RNF17: variants seen among roughly 807,000 people sequenced by gnomAD.
RNF17 encodes ring finger protein 17.
In RNF17, 31 loss-of-function variants were observed where a neutral mutation model predicts 200.5. That is an observed-to-expected ratio of 0.15 (90% confidence interval 0.12 to 0.21). The LOEUF is 0.21. RNF17 is among the 10% of genes least tolerant of loss of function. The pLI, the probability that RNF17 is intolerant of heterozygous loss-of-function variation, is 1.00. For synonymous variants in RNF17, 606 were observed against 637.8 expected, an observed-to-expected ratio of 0.95 and a Z score of 0.75; for missense variants, 1,628 against 1,905.1, an observed-to-expected ratio of 0.85 and a Z score of 2.71.
intron 34 of RNF17, 63 bp from the exon 35 acceptor site, chr13:24,879,124 A>G (rs1895167045): frequency 8.1e-7 from 1 of 1,239,264 alleles, no homozygotes; most frequent in African/African-American, 1.5e-5. Flanking sequence ...ATGGCCAGAT[A>G]TGAGAGGGAA....
chr13:24,857,608 A>G (rs914534960), intron 25 of RNF17, among the ~76,000 whole-genome samples: 1 of 152,234 alleles, frequency 6.6e-6, no homozygotes. Flanking sequence ...CTCTCTATGA[A>G]AAAAGAATAC....
the RNF17 span, among the ~76,000 whole-genome samples, chr13:24,886,851 A>C: frequency 6.6e-6 from 1 of 152,226 alleles, no homozygotes; most frequent in Non-Finnish European, 1.5e-5. Flanking sequence ...CAGGATTCAA[A>C]CCCACTATAT....
chr13:24,866,684 A>G (rs980216709), intron 30 of RNF17, among the ~76,000 whole-genome samples: 1 of 152,250 alleles, frequency 6.6e-6, no homozygotes, highest in African/African-American at 2.4e-5. Flanking sequence ...TGATAGACAC[A>G]TGGGTTGTTT....
intron 11 of RNF17, among the ~76,000 whole-genome samples, chr13:24,799,173 A>T (rs1884956442): frequency 6.6e-6 from 1 of 152,148 alleles, no homozygotes; most frequent in Non-Finnish European, 1.5e-5. Context: ...CTGCTAACTT[A>T]GTATTCTTTA....
intron 15 of RNF17, among the ~76,000 whole-genome samples, chr13:24,810,106 A>G (rs1231101719): frequency 6.6e-6 from 1 of 150,778 alleles, no homozygotes; most frequent in African/African-American, 2.4e-5. Context: ...GCTGAAAAAA[A>G]TGTATATTCT....
At chr13:24,767,726 G>A (rs1879929008) in intron 2 of RNF17, among the ~76,000 whole-genome samples, 1 of 140,322 alleles carries the variant, frequency 7.1e-6, no homozygotes, top group Non-Finnish European at 1.5e-5. Context: ...CCAGTCTGGC[G>A]ACAGAGCAAG....
intron 2 of RNF17, among the ~76,000 whole-genome samples, chr13:24,768,050 G>C (rs947322603): frequency 6.6e-6 from 1 of 151,790 alleles, no homozygotes; most frequent in Non-Finnish European, 1.5e-5. Flanking sequence ...CTCAACCTTT[G>C]TGTGTCATCA....
intron 17 of RNF17, among the ~76,000 whole-genome samples, chr13:24,831,173 G>A (rs1459357870): frequency 6.6e-6 from 1 of 152,002 alleles, no homozygotes; most frequent in Non-Finnish European, 1.5e-5. Context: ...GGGCGCAGTG[G>A]CTCATGCCTG....
At chr13:24,762,155 A>G (rs911193106), upstream of RNF17, among the ~76,000 whole-genome samples, 2 of 152,124 alleles carry the variant, frequency 1.3e-5, no homozygotes, top group African/African-American at 4.8e-5. Flanking sequence ...AGACTGCCTG[A>G]GCTCAGGAGT....
intron 28 of RNF17, among the ~76,000 whole-genome samples, chr13:24,864,373 A>AT (rs1192968951): frequency 6.6e-6 from 1 of 152,166 alleles, no homozygotes; most frequent in Admixed American, 6.5e-5. Flanking sequence ...AATGAAGAGA[A>AT]TTGCTGTAGG....
intron 2 of RNF17, among the ~76,000 whole-genome samples, 155 bp downstream of exon 2, chr13:24,767,521 G>A (rs1025513836): frequency 2.6e-5 from 4 of 152,058 alleles, no homozygotes; most frequent in East Asian, 1.9e-4. Context: ...AGGCTGAGGC[G>A]GGCAGATCAC....
At chr13:24,863,023 A>C (rs1893254748) in intron 28 of RNF17, among the ~76,000 whole-genome samples, 1 of 152,222 alleles carries the variant, frequency 6.6e-6, no homozygotes, top group Admixed American at 6.5e-5. Flanking sequence ...AATTTGAAAG[A>C]TTCTTTATTA....
At chr13:24,805,709 G>A (rs1885763318) in intron 15 of RNF17, among the ~76,000 whole-genome samples, 1 of 152,142 alleles carries the variant, frequency 6.6e-6, no homozygotes, top group African/African-American at 2.4e-5. Context: ...CCTCTGGTAT[G>A]TATAATACCT....
intron 4 of RNF17, among the ~76,000 whole-genome samples, chr13:24,779,022 C>CTT (rs1277886234): frequency 1.3e-5 from 2 of 152,174 alleles, no homozygotes; most frequent in African/African-American, 4.8e-5. Context: ...AACCCCATCT[C>CTT]TACTAAAAGT....
At chr13:24,878,710 C>G (rs982041038) in intron 34 of RNF17, among the ~76,000 whole-genome samples, 3 of 152,192 alleles carry the variant, frequency 2.0e-5, no homozygotes, top group African/African-American at 7.2e-5. Context: ...TGTCTCCCAG[C>G]CAGCTGGATG....
chr13:24,874,033 C>T, intron 32 of RNF17, 81 bp from the exon 33 acceptor site: 1 of 1,396,300 alleles, frequency 7.2e-7, no homozygotes, highest in Non-Finnish European at 1.0e-6. Flanking sequence ...TACAAGTAGC[C>T]CTTTGATATG....
intron 2 of RNF17, 142 bp downstream of exon 2, chr13:24,767,508 T>G (rs1593199330): frequency 1.4e-5 from 8 of 588,464 alleles, no homozygotes; most frequent in South Asian, 6.0e-5. Flanking sequence ...CCAGCACTTT[T>G]GGAGGCTGAG....
Position 24,825,716 on chromosome 13 carries a change from A to C in RNF17, c.2189A>C (p.Asp730Ala), listed in dbSNP as rs940546176. 6.2e-7 allele frequency: 1 copy of C among 1,613,800 alleles called. No homozygotes were observed. The highest frequency in any genetic ancestry group is 2.2e-5 in the East Asian group (1 of 44,812). Residue 730 changes from aspartate (D) to alanine (A), a missense_variant, in exon 16 of 36, where the codon GAT (aspartate) becomes GCT (alanine). Around this residue, in one of 5 missense-constraint regions of RNF17, gnomAD observed 289 missense variants for 384.9 expected, o/e 0.75. Coordinates refer to ENST00000255324, the MANE Select transcript of RNF17 (RefSeq NM_031277.3). The stretch of plus-strand genomic sequence containing the variant: ...CTGGAAATCCTCTGTCCAGTTCAAG[A>C]TCAAGCCTGTGTAGCTAAATTTGAA... Reference protein sequence around the residue: ...ENLEILCPVQDQACVAKFEDG... With the variant: ...ENLEILCPVQAQACVAKFEDG...
At chr13:24,879,052 T>G (rs1362900628) in intron 34 of RNF17, 135 bp from the exon 35 acceptor site, 3 of 615,624 alleles carry the variant, frequency 4.9e-6, no homozygotes, top group Non-Finnish European at 8.6e-6. Flanking sequence ...CAGATGCCTT[T>G]TGGAAGCATA....
Sources: gnomAD v4.1 joint callset for allele counts (sites outside exome capture counted in the v4.1 genomes callset) on GRCh38, gnomAD v4.1.1 for gene constraint, gnomAD v4.1.1 regional missense constraint, MANE v1.5 for transcripts, NCBI Gene and HGNC (gene_info 2026-07-23, HGNC 2026-07-21) for gene names.